The following CHN2 variants were observed in gnomAD, a reference collection of about 807,000 sequenced individuals.
The protein encoded by CHN2 is chimerin 2.
CHN2 carries 35 observed loss-of-function variants against 56.3 expected under a neutral mutation model. The observed-to-expected ratio is 0.62, with a 90% CI of 0.47 to 0.82. The LOEUF (loss-of-function observed/expected upper bound fraction) is 0.82. Among genes scored for constraint, CHN2 ranks in the 40% least tolerant of loss-of-function variants. CHN2 has a pLI of 0.00. For synonymous variants in CHN2, 210 were observed against 212.8 expected (o/e 0.99, Z 0.12); for missense variants, 491 against 580.5 (o/e 0.85, Z 1.58).
At chr7:29,382,704 C>T (rs996944237) in intron 3 of CHN2, among the ~76,000 whole-genome samples, 5 of 152,040 alleles carry the variant, frequency 3.3e-5, no homozygotes, top group Non-Finnish European at 7.3e-5. Context: ...ACGGCCCTAA[C>T]TCAGGCCTTT....
chr7:29,168,334 T>C (rs973073608), intron 2 of CHN2, among the ~76,000 whole-genome samples: 1 of 152,232 alleles, frequency 6.6e-6, no homozygotes, highest in African/African-American at 2.4e-5. Context: ...TTCAATTCCA[T>C]TACACAATTT....
intron 1 of CHN2, among the ~76,000 whole-genome samples, chr7:29,298,761 G>A (rs1342323919): frequency 6.6e-6 from 1 of 152,144 alleles, no homozygotes; most frequent in Non-Finnish European, 1.5e-5. Context: ...AAGCAGGTTA[G>A]TTTAAAAATG....
At chr7:29,268,566 A>T (rs1790351619) in intron 1 of CHN2, among the ~76,000 whole-genome samples, 1 of 146,916 alleles carries the variant, frequency 6.8e-6, no homozygotes, top group South Asian at 2.1e-4. Context: ...TTCTGCACCA[A>T]TTCCCAGGGA....
chr7:29,344,065 C>T (rs1421431529), intron 1 of CHN2, among the ~76,000 whole-genome samples: 1 of 152,136 alleles, frequency 6.6e-6, no homozygotes, highest in South Asian at 2.1e-4. Flanking sequence ...AAGTCATGTT[C>T]CCTCCTTTCC....
At chr7:29,479,457 C>G (rs1786894558) in intron 6 of CHN2, among the ~76,000 whole-genome samples, 2 of 152,170 alleles carry the variant, frequency 1.3e-5, no homozygotes, top group Non-Finnish European at 2.9e-5. Flanking sequence ...AAGCTTTGCT[C>G]TCCTCTGATA....
At chr7:29,399,813 CG>C (rs1372224996) in intron 5 of CHN2, among the ~76,000 whole-genome samples, 1 of 152,156 alleles carries the variant, frequency 6.6e-6, no homozygotes, top group Non-Finnish European at 1.5e-5. Flanking sequence ...TTATATCATG[CG>C]CTCTAGGTGT....
intron 1 of CHN2, among the ~76,000 whole-genome samples, chr7:29,331,839 A>G (rs537904254): frequency 1.8e-4 from 28 of 152,174 alleles, no homozygotes; most frequent in African/African-American, 6.7e-4. Context: ...AGGTGGGTGG[A>G]TCACGAGGTC....
intron 1 of CHN2, among the ~76,000 whole-genome samples, chr7:29,310,407 A>G (rs1457735857): frequency 2.6e-5 from 4 of 152,260 alleles, no homozygotes; most frequent in Non-Finnish European, 2.9e-5. Flanking sequence ...TGCAATTAAA[A>G]TGTATACAAA....
chr7:29,224,954 A>G (rs1336960181), intron 1 of CHN2, among the ~76,000 whole-genome samples: 2 of 152,196 alleles, frequency 1.3e-5, no homozygotes, highest in African/African-American at 2.4e-5. Context: ...GAAAATAAGG[A>G]TAAAGGCAGA....
chr7:29,375,189 CCTTTTTT>C (rs1460844221), intron 3 of CHN2, among the ~76,000 whole-genome samples: 6 of 107,368 alleles, frequency 5.6e-5, no homozygotes, highest in Admixed American at 3.2e-4. Context: ...CGTGCTCGGC[CCTTTTTT>C]TTTTTTTTTT....
chr7:29,161,784 A>C (rs1795208395), intron 2 of CHN2, among the ~76,000 whole-genome samples: 1 of 152,258 alleles, frequency 6.6e-6, no homozygotes, highest in Admixed American at 6.5e-5. Flanking sequence ...ATCATATGTA[A>C]AAGATTTATC....
chr7:29,180,698 TAAG>T (rs1797963556), intron 2 of CHN2, among the ~76,000 whole-genome samples: 2 of 152,204 alleles, frequency 1.3e-5, no homozygotes, highest in Admixed American at 6.5e-5. Flanking sequence ...TACAAACTAA[TAAG>T]AAGAACACTA....
chr7:29,284,942 T>C (rs1360086508), intron 1 of CHN2, among the ~76,000 whole-genome samples: 2 of 152,214 alleles, frequency 1.3e-5, no homozygotes, highest in African/African-American at 2.4e-5. Flanking sequence ...CACTAAATCC[T>C]GGAACTTCAG....
intron 7 of CHN2, among the ~76,000 whole-genome samples, chr7:29,493,848 C>G (rs1788928244): frequency 6.6e-6 from 1 of 152,182 alleles, no homozygotes; most frequent in Non-Finnish European, 1.5e-5. Context: ...CATTCATTTT[C>G]AACACAGTTG....
intron 2 of CHN2, chr7:29,147,253 A>ACT: frequency 2.7e-6 from 1 of 369,748 alleles, no homozygotes; most frequent in African/African-American, 2.1e-5. Context: ...AAGGAGGGTC[A>ACT]TCATTATCAG....
intron 1 of CHN2, among the ~76,000 whole-genome samples, chr7:29,234,058 C>T (rs1786969833): frequency 5.3e-5 from 8 of 151,254 alleles, no homozygotes; most frequent in Admixed American, 5.3e-4. Flanking sequence ...TGGTCTCGAT[C>T]TCCTGACCTC....
At chr7:29,400,016 A>G (rs1302946498) in intron 5 of CHN2, among the ~76,000 whole-genome samples, 1 of 152,054 alleles carries the variant, frequency 6.6e-6, no homozygotes, top group Non-Finnish European at 1.5e-5. Flanking sequence ...CTGCTGCACC[A>G]ACTAGGGCGG....
chr7:29,485,471 G>A (rs966404392), intron 7 of CHN2, among the ~76,000 whole-genome samples: 6 of 152,200 alleles, frequency 3.9e-5, no homozygotes, highest in African/African-American at 9.7e-5. Flanking sequence ...ATTCAAAGAG[G>A]AGGGGGCTCC....
intron 1 of CHN2, among the ~76,000 whole-genome samples, chr7:29,222,892 G>A (rs1042566793): frequency 6.6e-6 from 1 of 152,088 alleles, no homozygotes; most frequent in Non-Finnish European, 1.5e-5. Context: ...ATTGGCTCAA[G>A]GATACATGAA....
Sources: allele counts gnomAD v4.1 joint callset (sites outside exome capture counted in the v4.1 genomes callset), GRCh38; gene constraint gnomAD v4.1.1; transcripts MANE v1.5; gene names NCBI Gene and HGNC (gene_info 2026-07-23, HGNC 2026-07-21).